The following TMEM121B variants were observed in gnomAD, a reference collection of about 807,000 sequenced individuals.
TMEM121B encodes transmembrane protein 121B.
TMEM121B carries 14 observed loss-of-function variants against 25.1 expected under a neutral mutation model. The observed-to-expected ratio is 0.56, with a 90% CI of 0.37 to 0.87. The LOEUF is 0.87. Ranked by LOEUF, TMEM121B falls within the 40% of genes least tolerant of loss-of-function variation. The pLI, the probability that TMEM121B is intolerant of heterozygous loss-of-function variation, is 0.00. For missense variants in TMEM121B, 850 were observed against 854.6 expected, an observed-to-expected ratio of 0.99 and a Z score of 0.07; for synonymous variants, 458 against 420.9, an observed-to-expected ratio of 1.09 and a Z score of -1.08.
Position 17,120,533 on chromosome 22 carries a change from C to T in TMEM121B, c.595G>A (p.Gly199Ser), listed in dbSNP as rs1286572153. 2.6e-6 allele frequency: 4 copies of T among 1,549,824 alleles called. No homozygotes were observed. The highest frequency in any genetic ancestry group is 3.5e-6 in the Non-Finnish European group (4 of 1,154,314). Residue 199 changes from glycine (G) to serine (S), a missense_variant, in exon 1 of 1, where the codon GGC becomes AGC. Coordinates refer to ENST00000331437, the MANE Select transcript of TMEM121B (RefSeq NM_031890.4). Reference protein sequence around the residue: ...GCAPSPRCRWGYQALSVVLLL... With the variant: ...GCAPSPRCRWSYQALSVVLLL... Reference sequence around the variant, plus strand: ...AGCACCACGGACAGCGCCTGGTAGCCCCAGCGGCACCTGGGACTGGGGGCG... The same window carrying T: ...AGCACCACGGACAGCGCCTGGTAGCTCCAGCGGCACCTGGGACTGGGGGCG...
chr22:17,118,452 C>A lies in TMEM121B; in HGVS notation c.*939G>T, dbSNP rs2061479842. The A allele has an allele frequency of 6.6e-6, 1 of 152,604 alleles. No homozygotes were observed. 9.5% of individuals were successfully genotyped at this position (152,604 alleles called of 1,614,324 possible). A position where few individuals can be genotyped will look rare whatever the true frequency, so the allele number is the denominator to read the frequency against. ...GTGCAGAGGGAGGAACAGAGAGAGGCCAAGCCAATGGCTGATACTCCGCAG... is the reference window on the plus strand; with the variant it reads ...GTGCAGAGGGAGGAACAGAGAGAGGACAAGCCAATGGCTGATACTCCGCAG... On this transcript the variant is annotated 3_prime_UTR_variant, in exon 1 of 1. Transcript: ENST00000331437.
rs1297776294 is a variant in TMEM121B at position 17,120,879 on chromosome 22, G to A, written c.249C>T (p.Leu83=). The change falls in exon 1 of 1, where the codon CTC becomes CTT. Residue 83 remains leucine (L), a synonymous_variant. Transcript: ENST00000331437. ...TGGGCACCAGCGGCTTGCTGACGCT[G>A]AGGCTCTCGTCGTCGTCCTCGCGCT... is the stretch of plus-strand genomic sequence containing the variant. ...GAEREDDDES[L]SVSKPLVPNA... The A allele has an allele frequency of 7.2e-7, 1 of 1,381,888 alleles. No homozygotes were observed. The highest frequency in any genetic ancestry group is 9.4e-7 in the Non-Finnish European group (1 of 1,068,356). 85.6% of individuals were successfully genotyped at this position (1,381,888 alleles called of 1,614,324 possible).
Position 17,121,062 on chromosome 22 carries a change from C to A in TMEM121B, c.66G>T (p.Pro22=). ...SSASGSFPPP[P]AAARLQPLFL... is the part of the protein sequence containing the mutation. ...AGAGGGGCTGCAGCCGGGCGGCTGCCGGGGGCGGCGGGAAGGAACCGGACG... is the reference window on the plus strand; with the variant it reads ...AGAGGGGCTGCAGCCGGGCGGCTGCAGGGGGCGGCGGGAAGGAACCGGACG... Residue 22 remains proline, a synonymous_variant, in exon 1 of 1, where the codon CCG becomes CCT. Coordinates refer to ENST00000331437, the MANE Select transcript of TMEM121B (RefSeq NM_031890.4). The A allele has an allele frequency of 6.9e-7, 1 of 1,451,332 alleles. No individual in the cohort carries two copies. The highest frequency in any genetic ancestry group is 9.1e-7 in the Non-Finnish European group (1 of 1,103,512). The allele number at this position is 1,451,332 out of a possible 1,614,324, so 89.9% of individuals were successfully genotyped here. A position where few individuals can be genotyped will look rare whatever the true frequency, so the allele number is the denominator to read the frequency against.
chr22:17,121,156 A>G lies in TMEM121B; in HGVS notation c.-29T>C. The G allele has an allele frequency of 7.8e-7, 1 of 1,277,644 alleles. No individual in the cohort carries two copies. Among genetic ancestry groups the G allele is most frequent in the South Asian group, 2.5e-5 (1 of 40,452 alleles). The allele number at this position is 1,277,644 out of a possible 1,614,324, so 79.1% of individuals were successfully genotyped here. ...CCTCCGAGGGGCTCTGGGGCCGCCC[A>G]GCTGTTCCCTCCCCGCCAACCCCGG... On this transcript the variant is annotated 5_prime_UTR_variant, in exon 1 of 1. Coordinates refer to ENST00000331437, the MANE Select transcript of TMEM121B (RefSeq NM_031890.4).
Position 17,119,867 on chromosome 22 carries a change from G to A in TMEM121B, c.1261C>T (p.Pro421Ser), listed in dbSNP as rs1198416710. Residue 421 changes from proline (P) to serine (S), a missense_variant, in exon 1 of 1, where the codon CCC becomes TCC. Transcript: ENST00000331437. ...ATAAGCAGGTAGCGCAGGTGCGCGG[G>A]CAGCGGCACGCGGCCCTCCAGCATC... ...ELMLEGRVPL[P>S]AHLRYLLIAV... 8.3e-6 allele frequency: 13 copies of A among 1,573,010 alleles called. No homozygotes were observed. Among genetic ancestry groups the A allele is most frequent in the South Asian group, 1.1e-5 (1 of 87,916 alleles).
Position 17,120,887 on chromosome 22 carries a change from C to T in TMEM121B, c.241G>A (p.Glu81Lys), listed in dbSNP as rs2123828347. The change falls in exon 1 of 1, where the codon GAG becomes AAG. Residue 81 changes from glutamate to lysine, a missense_variant. Physicochemically the swap from Glu to Lys is moderately conservative, Grantham distance 56. Coordinates refer to ENST00000331437, the MANE Select transcript of TMEM121B (RefSeq NM_031890.4). ...AGCGGCTTGCTGACGCTGAGGCTCT[C>T]GTCGTCGTCCTCGCGCTCGGCGCCC... ...STGAEREDDD[E>K]SLSVSKPLVP... 3.6e-6 allele frequency: 5 copies of T among 1,389,152 alleles called. No homozygotes were observed. Among genetic ancestry groups the T allele is most frequent in the Non-Finnish European group, 4.7e-6 (5 of 1,072,064 alleles). The allele number at this position is 1,389,152 out of a possible 1,614,324, so 86.1% of individuals were successfully genotyped here.
rs1440094221 is a variant in TMEM121B, at chr22:17,120,967, C to T, written c.161G>A (p.Arg54His). Residue 54 changes from arginine to histidine, a missense_variant, in exon 1 of 1, where the codon CGC becomes CAC. Transcript: ENST00000331437. ...GCCGCGTCTGCCGCCGCCTCCCCCG[C>T]GGCTGGTGCTGGTGCTGGTGCTGCT... ...GDSSTSTSTS[R>H]GGGGGRRGGG... 1.4e-6 allele frequency: 2 copies of T among 1,428,974 alleles called. No individual in the cohort carries two copies. Among genetic ancestry groups the T allele is most frequent in the South Asian group, 1.4e-5 (1 of 72,348 alleles). The allele number at this position is 1,428,974 out of a possible 1,614,324, so 88.5% of individuals were successfully genotyped here.
At position 17,120,891 on chromosome 22, in the gene TMEM121B, G is replaced by A; in HGVS notation, c.237C>T (p.Asp79=). 1 of 1,391,290 alleles carries A rather than the reference G, an allele frequency of 7.2e-7. No homozygotes were observed. The highest frequency in any genetic ancestry group is 9.3e-7 in the Non-Finnish European group (1 of 1,073,418). 86.2% of individuals were successfully genotyped at this position (1,391,290 alleles called of 1,614,324 possible). A position where few individuals can be genotyped will look rare whatever the true frequency, so the allele number is the denominator to read the frequency against. The change falls in exon 1 of 1, where the codon GAC becomes GAT. Residue 79 remains aspartate (D), a synonymous_variant. Coordinates refer to ENST00000331437, the MANE Select transcript of TMEM121B (RefSeq NM_031890.4). ...GCTTGCTGACGCTGAGGCTCTCGTC[G>A]TCGTCCTCGCGCTCGGCGCCCGTGC... is the stretch of plus-strand genomic sequence containing the variant. ...SSSTGAERED[D]DESLSVSKPL...
Position 17,118,931 on chromosome 22 carries a change from T to G in TMEM121B, c.*460A>C. 1 of 177,652 alleles carries G rather than the reference T, an allele frequency of 5.6e-6. No homozygotes were observed. Among genetic ancestry groups the G allele is most frequent in the Non-Finnish European group, 1.2e-5 (1 of 85,264 alleles). The allele number at this position is 177,652 out of a possible 1,614,324, so 11.0% of individuals were successfully genotyped here. On this transcript the variant is annotated 3_prime_UTR_variant, in exon 1 of 1. Coordinates refer to ENST00000331437, the MANE Select transcript of TMEM121B (RefSeq NM_031890.4). Reference sequence around the variant, plus strand: ...CACACACAGAGACATACACTTTGTATCTATCACCTGGAAGAAATCCAAGAG... The same window carrying G: ...CACACACAGAGACATACACTTTGTAGCTATCACCTGGAAGAAATCCAAGAG...
rs1189753852 is a variant in TMEM121B at position 17,119,184 on chromosome 22, G to A, written c.*207C>T. 2.7e-5 allele frequency: 17 copies of A among 637,438 alleles called. No homozygotes were observed. The highest frequency in any genetic ancestry group is 4.2e-5 in the Non-Finnish European group (16 of 383,806). The allele number at this position is 637,438 out of a possible 1,614,324, so 39.5% of individuals were successfully genotyped here. On this transcript the variant is annotated 3_prime_UTR_variant, in exon 1 of 1. Transcript: ENST00000331437. ...GGTAGGATAGGAGAAGAGAGGAGAG[G>A]GTAAGTGCACCTACCTCCCTCACCG...
At position 17,116,463 on chromosome 22, in the gene TMEM121B, T is replaced by C. The variant is rs2061470260; in HGVS notation, c.*2928A>G. On this transcript the variant is annotated 3_prime_UTR_variant, in exon 1 of 1. Transcript: ENST00000331437. ...AACCCACGGATGCAGAATCAGGACA[T>C]GTTAAAATGGAACAGTCTTTAGAGA... The C allele has an allele frequency of 6.6e-6, 1 of 152,304 alleles. No individual in the cohort carries two copies. The highest frequency in any genetic ancestry group is 1.5e-5 in the Non-Finnish European group (1 of 68,032). 9.4% of individuals were successfully genotyped at this position (152,304 alleles called of 1,614,324 possible).
chr22:17,121,135 C>T lies in TMEM121B; in HGVS notation c.-8G>A, dbSNP rs1312935888. On this transcript the variant is annotated 5_prime_UTR_variant, in exon 1 of 1. Coordinates refer to ENST00000331437, the MANE Select transcript of TMEM121B (RefSeq NM_031890.4). ...GCCGAGCGCCGGGCGCATTGTCCTC[C>T]GAGGGGCTCTGGGGCCGCCCAGCTG... The T allele has an allele frequency of 7.5e-7, 1 of 1,337,818 alleles. No individual in the cohort carries two copies. Among genetic ancestry groups the T allele is most frequent in the Non-Finnish European group, 9.6e-7 (1 of 1,043,026 alleles). 82.9% of individuals were successfully genotyped at this position (1,337,818 alleles called of 1,614,324 possible).
In TMEM121B at chr22:17,119,257, GA is replaced by G; in HGVS notation, c.*133del. 7.3e-7 allele frequency: 1 copy of G among 1,370,040 alleles called. No individual in the cohort carries two copies. The highest frequency in any genetic ancestry group is 9.8e-7 in the Non-Finnish European group (1 of 1,015,998). 84.9% of individuals were successfully genotyped at this position (1,370,040 alleles called of 1,614,324 possible). ...GCCGTCCTCACCCCAGGGTGCAGAA[GA>G]ACACCCTGGCCCTTAGCCCTGAAAA... is the stretch of plus-strand genomic sequence containing the variant. On this transcript the variant is annotated 3_prime_UTR_variant, in exon 1 of 1. Coordinates refer to ENST00000331437, the MANE Select transcript of TMEM121B (RefSeq NM_031890.4).
rs1206885940 is a variant in TMEM121B, at chr22:17,120,753, C to A, written c.375G>T (p.Thr125=). The change falls in exon 1 of 1, where the codon ACG becomes ACT. Residue 125 remains threonine, a synonymous_variant. Transcript: ENST00000331437. The part of the protein sequence containing the change: ...SSAATSSSTS[T]PTSSCSMTAA... ...CTGTCATGCTGCAGGAGGAGGTGGGCGTGGAGGTGGAGGAGGAGGTGGCCG... is the reference window on the plus strand; with the variant it reads ...CTGTCATGCTGCAGGAGGAGGTGGGAGTGGAGGTGGAGGAGGAGGTGGCCG... 44 of 1,078,454 alleles carry A rather than the reference C, an allele frequency of 4.1e-5. No homozygotes were observed. The highest frequency in any genetic ancestry group is 4.6e-5 in the Non-Finnish European group (41 of 891,526). The allele number at this position is 1,078,454 out of a possible 1,614,324, so 66.8% of individuals were successfully genotyped here.
chr22:17,120,859 A>T lies in TMEM121B; in HGVS notation c.269T>A (p.Val90Glu). 1 of 1,341,676 alleles carries T rather than the reference A, an allele frequency of 7.5e-7. No individual in the cohort carries two copies. Among genetic ancestry groups the T allele is most frequent in the Admixed American group, 3.5e-5 (1 of 28,440 alleles). 83.1% of individuals were successfully genotyped at this position (1,341,676 alleles called of 1,614,324 possible). A position where few individuals can be genotyped will look rare whatever the true frequency, so the allele number is the denominator to read the frequency against. Residue 90 changes from valine (V) to glutamate (E), a missense_variant, in exon 1 of 1, where the codon GTG (valine) becomes GAG (glutamate). Physicochemically the swap from Val to Glu is moderately radical, Grantham distance 121 (BLOSUM62 -2). Transcript: ENST00000331437. ...CGGCCCCAGGAGCGCGGCGTTGGGC[A>T]CCAGCGGCTTGCTGACGCTGAGGCT... ...DESLSVSKPLVPNAALLGPPA... is the reference protein window; with the variant it reads ...DESLSVSKPLEPNAALLGPPA...
In TMEM121B at chr22:17,120,471, G is replaced by A. The variant is rs774694938; in HGVS notation, c.657C>T (p.Leu219=). The change falls in exon 1 of 1, where the codon CTC becomes CTT. Residue 219 remains leucine, a synonymous_variant. Coordinates refer to ENST00000331437, the MANE Select transcript of TMEM121B (RefSeq NM_031890.4). ...ACCAGTACAGGTCGGTGACGGCGAT[G>A]AGGTACAGGTCCAGCAGGCCGCCCT... ...LAQGGLLDLY[L]IAVTDLYWCS... The A allele has an allele frequency of 2.5e-6, 4 of 1,586,010 alleles. No individual in the cohort carries two copies. The highest frequency in any genetic ancestry group is 2.3e-5 in the South Asian group (2 of 88,856).
chr22:17,116,449 G>A lies in TMEM121B; in HGVS notation c.*2942C>T, dbSNP rs1296973866. 1.3e-5 allele frequency: 2 copies of A among 152,402 alleles called. No individual in the cohort carries two copies. The highest frequency in any genetic ancestry group is 2.9e-5 in the Non-Finnish European group (2 of 68,046). 9.4% of individuals were successfully genotyped at this position (152,402 alleles called of 1,614,324 possible). On this transcript the variant is annotated 3_prime_UTR_variant, in exon 1 of 1. Coordinates refer to ENST00000331437, the MANE Select transcript of TMEM121B (RefSeq NM_031890.4). ...GCTCTCTTTCACAAAACCCACGGAT[G>A]CAGAATCAGGACATGTTAAAATGGA... is the stretch of plus-strand genomic sequence containing the variant.
Position 17,119,958 on chromosome 22 carries a change from G to T in TMEM121B, c.1170C>A (p.His390Gln), listed in dbSNP as rs1339200979. 6.3e-7 allele frequency: 1 copy of T among 1,578,726 alleles called. No homozygotes were observed. Among genetic ancestry groups the T allele is most frequent in the South Asian group, 1.1e-5 (1 of 88,926 alleles). Residue 390 changes from histidine (H) to glutamine (Q), a missense_variant, in exon 1 of 1, where the codon CAC (histidine) becomes CAA (glutamine). Transcript: ENST00000331437. ...TGCCCAGGAAGCATCCGGCCGCGCG[G>T]TGCCGCTGGGGCTGCAGCAGCAGGG... is the stretch of plus-strand genomic sequence containing the variant. ...AGPLLLQPQRHRAAGCFLGTC... is the reference protein window; with the variant it reads ...AGPLLLQPQRQRAAGCFLGTC...
chr22:17,119,737 C>T lies in TMEM121B; in HGVS notation c.1391G>A (p.Ser464Asn), dbSNP rs999242123. 1.9e-6 allele frequency: 3 copies of T among 1,546,624 alleles called. No homozygotes were observed. Among genetic ancestry groups the T allele is most frequent in the South Asian group, 2.3e-5 (2 of 85,238 alleles). Residue 464 changes from serine (S) to asparagine (N), a missense_variant, in exon 1 of 1, where the codon AGC becomes AAC. Coordinates refer to ENST00000331437, the MANE Select transcript of TMEM121B (RefSeq NM_031890.4). ...CAGCAGGCGCAGAAGGCGGCTGCAG[C>T]TGCCAGGCCCGGAGGCCTGGCCCCA... is the stretch of plus-strand genomic sequence containing the variant. Reference protein sequence around the residue: ...ASWGQASGPGSCSRLLRLLGG... With the variant: ...ASWGQASGPGNCSRLLRLLGG...
Sources: gnomAD v4.1 joint callset for allele counts on GRCh38, gnomAD v4.1.1 for gene constraint, MANE v1.5 for transcripts, NCBI Gene and HGNC (gene_info 2026-07-23, HGNC 2026-07-21) for gene names.